The following CEP63 variants were observed in gnomAD, a reference collection of about 807,000 sequenced individuals.
The protein encoded by CEP63 is centrosomal protein 63, also known as centrosomal protein of 63 kDa.
Under a neutral mutation model 89.1 loss-of-function variants are expected in CEP63, and 84 were observed. The ratio of observed to expected loss-of-function variants is 0.94; its 90% CI spans 0.79 to 1.13. The LOEUF (loss-of-function observed/expected upper bound fraction) is 1.13, where lower values mean the gene tolerates loss of function less well. Among genes scored for constraint, CEP63 ranks in the 50% most tolerant of loss-of-function variants. The probability of loss-of-function intolerance (pLI) is 0.00; values close to 1 mark genes in which losing one functional copy is unlikely to be tolerated. For synonymous variants in CEP63, 267 were observed against 272.5 expected (o/e 0.98, Z 0.20); for missense variants, 838 against 813.3 (o/e 1.03, Z -0.37).
At chr3:134,743,388 T>C in the CEP63 span, among the ~76,000 whole-genome samples, 3 of 152,152 alleles carry the variant, frequency 2.0e-5, no homozygotes, top group Non-Finnish European at 4.4e-5. Flanking sequence ...TTCTCGCTGG[T>C]AGAGTAGAAA....
the CEP63 span, chr3:134,650,817 C>G: frequency 1.1e-5 from 17 of 1,573,402 alleles, no homozygotes; most frequent in Non-Finnish European, 1.4e-5. Flanking sequence ...GGGTCGGGCG[C>G]GCGTTACCTC....
At chr3:134,737,141 A>G in the CEP63 span, among the ~76,000 whole-genome samples, 1 of 152,236 alleles carries the variant, frequency 6.6e-6, no homozygotes, top group African/African-American at 2.4e-5. Flanking sequence ...TTGACAATAT[A>G]ACCAAAAACT....
chr3:134,487,910 T>C (rs954204416), intron 1 of CEP63: 2 of 152,236 alleles, frequency 1.3e-5, no homozygotes, highest in African/African-American at 4.8e-5. Context: ...CTCATAGTTA[T>C]AGCTATGGGA....
chr3:134,696,840 G>A, the CEP63 span, among the ~76,000 whole-genome samples: 1 of 152,182 alleles, frequency 6.6e-6, no homozygotes, highest in Non-Finnish European at 1.5e-5. Context: ...CATACTTTAT[G>A]TGTCCACTTT....
chr3:134,773,775 G>A, the CEP63 span, among the ~76,000 whole-genome samples: 1 of 151,984 alleles, frequency 6.6e-6, no homozygotes, highest in African/African-American at 2.4e-5. Flanking sequence ...GGCTCTGGAT[G>A]AAGGTGCATC....
At chr3:134,527,630 G>A (rs1948938777) in intron 3 of CEP63, among the ~76,000 whole-genome samples, 2 of 152,196 alleles carry the variant, frequency 1.3e-5, no homozygotes. Flanking sequence ...ATGGGCCTAG[G>A]GAAGCTGCAG....
chr3:134,629,698 A>T, the CEP63 span: 1 of 1,582,614 alleles, frequency 6.3e-7, no homozygotes, highest in Non-Finnish European at 8.6e-7. Context: ...TTGTGTCCCT[A>T]CAAAGGAAAA....
At chr3:134,506,009 A>G (rs371890269) in intron 2 of CEP63, among the ~76,000 whole-genome samples, 4 of 152,198 alleles carry the variant, frequency 2.6e-5, no homozygotes, top group East Asian at 3.8e-4. Flanking sequence ...TTGCCTCATC[A>G]CAGCAGTGTG....
At chr3:134,681,372 A>G in the CEP63 span, among the ~76,000 whole-genome samples, 1 of 152,190 alleles carries the variant, frequency 6.6e-6, no homozygotes, top group Admixed American at 6.5e-5. Flanking sequence ...CTGAAGGTCA[A>G]TTAAGGCAGA....
chr3:134,769,775 C>T, the CEP63 span, among the ~76,000 whole-genome samples: 1 of 152,196 alleles, frequency 6.6e-6, no homozygotes, highest in Non-Finnish European at 1.5e-5. Context: ...TGGTTGTCAT[C>T]TTACCTCTAA....
In CEP63 at chr3:134,513,751, C is replaced by A. The variant is rs372595871; in HGVS notation, c.222+6465C>A. On this transcript the variant is annotated intron_variant, in intron 3 of 14. Transcript: ENST00000675561. ...AGGAGTAAGGATGGACCAGAACAGG[C>A]CCTCTTGAAAAAACCACTCAGCTTC... is the stretch of plus-strand genomic sequence containing the variant. 2.0e-5 allele frequency among the ~76,000 whole-genome samples: 3 copies of A among 152,124 alleles called. No individual in the cohort carries two copies. In the East Asian group the frequency reaches 5.8e-4, roughly 29 times the overall value.
chr3:134,598,338 C>G, the CEP63 span, among the ~76,000 whole-genome samples: 1 of 152,166 alleles, frequency 6.6e-6, no homozygotes, highest in Non-Finnish European at 1.5e-5. Context: ...AAAAAGGAGA[C>G]AGTGCTTCTT....
chr3:134,594,201 C>T, the CEP63 span, among the ~76,000 whole-genome samples: 1 of 152,214 alleles, frequency 6.6e-6, no homozygotes, highest in Admixed American at 6.5e-5. Context: ...TCACCACCAT[C>T]CTTTACCCAG....
At chr3:134,534,781 A>G (rs911593835) in intron 5 of CEP63, among the ~76,000 whole-genome samples, 1 of 152,150 alleles carries the variant, frequency 6.6e-6, no homozygotes, top group African/African-American at 2.4e-5. Flanking sequence ...CTGGAATCAT[A>G]CTGTATTTCC....
chr3:134,512,730 T>A (rs1032974088), intron 3 of CEP63, among the ~76,000 whole-genome samples: 16 of 152,228 alleles, frequency 1.1e-4, no homozygotes, highest in Non-Finnish European at 2.1e-4. Flanking sequence ...CTTGGTACTA[T>A]GAAAGATGTG....
At chr3:134,737,775 A>G in the CEP63 span, among the ~76,000 whole-genome samples, 1 of 152,172 alleles carries the variant, frequency 6.6e-6, no homozygotes, top group Non-Finnish European at 1.5e-5. Context: ...GGAATGGCTC[A>G]ATGTAGGTTA....
chr3:134,671,556 G>A, the CEP63 span, among the ~76,000 whole-genome samples: 1 of 152,236 alleles, frequency 6.6e-6, no homozygotes, highest in African/African-American at 2.4e-5. Context: ...ACTTCCAGTG[G>A]CGAGCATGTG....
chr3:134,610,134 G>T, the CEP63 span: 72 of 1,538,546 alleles, frequency 4.7e-5, no homozygotes, highest in Non-Finnish European at 5.9e-5. Flanking sequence ...GCTTCATGCT[G>T]CCTGGCACAT....
chr3:134,489,336 C>T (rs1034571090), intron 1 of CEP63, among the ~76,000 whole-genome samples: 2 of 151,922 alleles, frequency 1.3e-5, no homozygotes, highest in African/African-American at 4.8e-5. Context: ...AGATTTCACC[C>T]TTATATTTGT....
Sources: allele counts gnomAD v4.1 joint callset (sites outside exome capture counted in the v4.1 genomes callset), GRCh38; gene constraint gnomAD v4.1.1; transcripts MANE v1.5; gene names NCBI Gene and HGNC (gene_info 2026-07-23, HGNC 2026-07-21).